KHDRBS2: variants seen among roughly 807,000 people sequenced by gnomAD.
KHDRBS2 encodes KH domain-containing, RNA-binding, signal transduction-associated protein 2.
KHDRBS2 carries 26 observed loss-of-function variants against 44.3 expected under a neutral mutation model. The observed-to-expected ratio is 0.59, with a 90% CI of 0.43 to 0.81. The LOEUF (loss-of-function observed/expected upper bound fraction) is 0.81, where lower values mean the gene tolerates loss of function less well. Among genes scored for constraint, KHDRBS2 ranks in the 40% least tolerant of loss-of-function variants. KHDRBS2 has a pLI of 0.00. For missense variants in KHDRBS2, 476 were observed against 433.1 expected (o/e 1.10, Z -0.88); for synonymous variants, 194 against 151.1 (o/e 1.28, Z -2.08).
intron 6 of KHDRBS2, among the ~76,000 whole-genome samples, chr6:61,826,934 C>T (rs1022694955): frequency 1.2e-4 from 18 of 152,108 alleles, no homozygotes; most frequent in African/African-American, 4.3e-4. Context: ...GATGCCAAGG[C>T]CTGTGTTCTT....
At chr6:62,080,790 A>G (rs1237109805) in intron 2 of KHDRBS2, among the ~76,000 whole-genome samples, 2 of 152,092 alleles carry the variant, frequency 1.3e-5, no homozygotes, top group Non-Finnish European at 1.5e-5. Context: ...AGACAATTCA[A>G]GCACCTGGAG....
At chr6:61,738,335 GAT>G (rs960483287) in intron 6 of KHDRBS2, among the ~76,000 whole-genome samples, 2 of 151,970 alleles carry the variant, frequency 1.3e-5, no homozygotes, top group Non-Finnish European at 2.9e-5. Context: ...TACTCAAGGA[GAT>G]ATGATTCATT....
At chr6:62,176,039 A>T (rs1821022791) in intron 2 of KHDRBS2, among the ~76,000 whole-genome samples, 1 of 151,450 alleles carries the variant, frequency 6.6e-6, no homozygotes, top group South Asian at 2.1e-4. Context: ...AGAAACTTCT[A>T]TTCAAGACTG....
intron 2 of KHDRBS2, among the ~76,000 whole-genome samples, chr6:62,103,982 A>G (rs189696463): frequency 6.6e-6 from 1 of 152,344 alleles, no homozygotes; most frequent in East Asian, 1.9e-4. Context: ...ATGACCATGG[A>G]AAAGAAAAAT....
chr6:61,647,275 T>G, the KHDRBS2 span, among the ~76,000 whole-genome samples: 1 of 152,172 alleles, frequency 6.6e-6, no homozygotes, highest in African/African-American at 2.4e-5. Flanking sequence ...AGAGCAATAA[T>G]AACAACTTAG....
rs550894750 is a variant in KHDRBS2 at position 61,776,650 on chromosome 6, G to A, written c.811-43886C>T. 2.6e-5 allele frequency among the ~76,000 whole-genome samples: 4 copies of A among 152,312 alleles called. No individual in the cohort carries two copies. The South Asian group carries it at 8.3e-4, about 32-fold the overall frequency. The stretch of plus-strand genomic sequence containing the variant: ...AAGTCAGGAAACAACAGGTGCTGGA[G>A]AGGATGTGAAGAAATAGGAACACTT... On this transcript the variant is annotated intron_variant, in intron 6 of 8. Transcript: ENST00000281156.
intron 6 of KHDRBS2, among the ~76,000 whole-genome samples, chr6:61,736,407 T>C (rs1775366308): frequency 6.6e-6 from 1 of 152,036 alleles, no homozygotes; most frequent in African/African-American, 2.4e-5. Flanking sequence ...TCCAGCACTC[T>C]ATCTTGAGGA....
In KHDRBS2 at chr6:62,205,770, G is replaced by A. The variant is rs1353166505; in HGVS notation, c.92-28458C>T. Among the ~76,000 whole-genome samples, 3 of 152,074 alleles carry A rather than the reference G, an allele frequency of 2.0e-5. No individual in the cohort carries two copies. The East Asian group carries it at 5.8e-4, about 29-fold the overall frequency. ...AAAATCTGCACATCTTAGAATATAG[G>A]GAATGGTAGACAAGATTGTGTGTAG... On this transcript the variant is annotated intron_variant, in intron 1 of 8. Coordinates refer to ENST00000281156, the MANE Select transcript of KHDRBS2 (RefSeq NM_152688.4).
At chr6:61,938,157 A>T (rs570477182) in intron 4 of KHDRBS2, among the ~76,000 whole-genome samples, 21 of 152,248 alleles carry the variant, frequency 1.4e-4, no homozygotes, top group African/African-American at 5.1e-4. Flanking sequence ...TCGCTCTTCA[A>T]GGGGTTTACA....
intron 7 of KHDRBS2, among the ~76,000 whole-genome samples, chr6:61,720,213 T>A (rs1445620180): frequency 1.3e-5 from 2 of 152,224 alleles, no homozygotes; most frequent in East Asian, 1.9e-4. Context: ...GTCTTTGCTA[T>A]TGTGAATAAT....
At chr6:62,050,013 T>C (rs1584365743) in intron 2 of KHDRBS2, among the ~76,000 whole-genome samples, 1 of 151,976 alleles carries the variant, frequency 6.6e-6, no homozygotes, top group African/African-American at 2.4e-5. Context: ...CAGCACTATT[T>C]ACGATAGCAA....
the KHDRBS2 span, among the ~76,000 whole-genome samples, chr6:61,605,119 C>T: frequency 1.3e-5 from 2 of 152,142 alleles, no homozygotes; most frequent in African/African-American, 2.4e-5. Flanking sequence ...TCTGCGAATT[C>T]GGGCCTGTCC....
At chr6:61,580,325 A>G in the KHDRBS2 span, among the ~76,000 whole-genome samples, 1 of 152,170 alleles carries the variant, frequency 6.6e-6, no homozygotes, top group African/African-American at 2.4e-5. Context: ...GTGTCTAGCT[A>G]AAGGATTGTA....
the KHDRBS2 span, among the ~76,000 whole-genome samples, chr6:61,562,023 T>A: frequency 6.6e-6 from 1 of 152,142 alleles, no homozygotes; most frequent in Non-Finnish European, 1.5e-5. Flanking sequence ...AATGGCCAAA[T>A]GACCATGTTT....
the KHDRBS2 span, among the ~76,000 whole-genome samples, chr6:61,601,259 C>A: frequency 6.6e-6 from 1 of 151,966 alleles, no homozygotes; most frequent in South Asian, 2.1e-4. Flanking sequence ...GCAGGCACCC[C>A]CCACCCCTTC....
chr6:61,797,019 C>A (rs1302172719), intron 6 of KHDRBS2, among the ~76,000 whole-genome samples: 1 of 151,936 alleles, frequency 6.6e-6, no homozygotes, highest in Non-Finnish European at 1.5e-5. Context: ...AGTGATAATA[C>A]AGAATAAAAC....
At chr6:61,769,320 C>A (rs114230558) in intron 6 of KHDRBS2, among the ~76,000 whole-genome samples, 110 of 152,216 alleles carry the variant, frequency 7.2e-4, no homozygotes, top group Middle Eastern at 3.4e-3. Flanking sequence ...AGGTACAGGA[C>A]AGTGGGTGCA....
intron 2 of KHDRBS2, among the ~76,000 whole-genome samples, chr6:62,099,448 T>C (rs916131465): frequency 4.6e-5 from 7 of 152,176 alleles, no homozygotes; most frequent in African/African-American, 1.7e-4. Context: ...GTTTATCCCA[T>C]ATCCTCGGTT....
At position 61,743,588 on chromosome 6, in the gene KHDRBS2, T is replaced by A. The variant is rs571445051; in HGVS notation, c.811-10824A>T. On this transcript the variant is annotated intron_variant, in intron 6 of 8. Transcript: ENST00000281156. ...AAAAATTGGGGTTAATAATTTTGTATTATATTTGTAAAAATCAGTGTTTTA... is the reference window on the plus strand; with the variant it reads ...AAAAATTGGGGTTAATAATTTTGTAATATATTTGTAAAAATCAGTGTTTTA... 2.9e-4 allele frequency among the ~76,000 whole-genome samples: 44 copies of A among 152,234 alleles called. 1 individual carries two copies. The South Asian group carries it at 8.5e-3, about 29-fold the overall frequency.
Sources: allele counts gnomAD v4.1 joint callset (sites outside exome capture counted in the v4.1 genomes callset), GRCh38; gene constraint gnomAD v4.1.1; transcripts MANE v1.5; gene names NCBI Gene and HGNC (gene_info 2026-07-23, HGNC 2026-07-21).